The following RFX7 variants were observed in gnomAD, a reference collection of about 807,000 sequenced individuals.
RFX7 encodes the protein regulatory factor X7.
RFX7 carries 26 observed loss-of-function variants against 111.8 expected under a neutral mutation model. The ratio of observed to expected loss-of-function variants is 0.23; its 90% CI spans 0.17 to 0.32. The LOEUF is 0.32. Ranked by LOEUF, RFX7 falls within the 10% of genes least tolerant of loss-of-function variation. RFX7 has a pLI of 1.00. For synonymous variants in RFX7, 624 were observed against 624.4 expected (o/e 1.00, Z 0.01); for missense variants, 1,573 against 1,772.9 (o/e 0.89, Z 2.02).
chr15:56,179,749 T>C (rs979080745), intron 2 of RFX7, among the ~76,000 whole-genome samples: 14 of 139,174 alleles, frequency 1.0e-4, no homozygotes, highest in Non-Finnish European at 2.0e-4. Context: ...TGTTCCCTCC[T>C]CTCTCTGTCT....
chr15:56,186,267 T>G (rs151034778), intron 2 of RFX7, among the ~76,000 whole-genome samples: 162 of 152,290 alleles, frequency 1.1e-3, no homozygotes, highest in African/African-American at 3.7e-3. Context: ...TTCCAACTAC[T>G]TTGTGAGGGC....
intron 3 of RFX7, among the ~76,000 whole-genome samples, chr15:56,146,916 C>T (rs1567026748): frequency 6.6e-6 from 1 of 152,198 alleles, no homozygotes; most frequent in African/African-American, 2.4e-5. Flanking sequence ...AGGCTGGGCT[C>T]ATCATCAAGA....
intron 5 of RFX7, among the ~76,000 whole-genome samples, chr15:56,109,367 G>C (rs1158939304): frequency 6.6e-6 from 1 of 152,252 alleles, no homozygotes; most frequent in Non-Finnish European, 1.5e-5. Flanking sequence ...GCCCAGGCTG[G>C]AGTGCAGTGG....
intron 3 of RFX7, among the ~76,000 whole-genome samples, chr15:56,168,747 G>A (rs1259938471): frequency 6.6e-6 from 1 of 152,130 alleles, no homozygotes; most frequent in East Asian, 1.9e-4. Flanking sequence ...AATATAAGGA[G>A]GTGTCCTGAA....
At chr15:56,134,592 CTTTCTT>C (rs1290102595) in intron 5 of RFX7, among the ~76,000 whole-genome samples, 1 of 91,538 alleles carries the variant, frequency 1.1e-5, no homozygotes, top group African/African-American at 3.5e-5. Flanking sequence ...ATCTAAATCA[CTTTCTT>C]TTTTTTTTTT....
At chr15:56,197,890 T>C (rs2043160151) in intron 2 of RFX7, among the ~76,000 whole-genome samples, 1 of 152,144 alleles carries the variant, frequency 6.6e-6, no homozygotes, top group South Asian at 2.1e-4. Flanking sequence ...CTGACTCTGC[T>C]TTCTCTCCCC....
chr15:56,133,039 C>T (rs1342892277), intron 5 of RFX7, among the ~76,000 whole-genome samples: 1 of 152,026 alleles, frequency 6.6e-6, no homozygotes, highest in Non-Finnish European at 1.5e-5. Context: ...TGGTTATTTT[C>T]AGATAGTGAG....
chr15:56,102,704 G>A (rs930458585), intron 6 of RFX7, among the ~76,000 whole-genome samples: 36 of 152,082 alleles, frequency 2.4e-4, no homozygotes, highest in East Asian at 7.7e-4. Context: ...CAGGATTATC[G>A]CCTGTAACAT....
At chr15:56,102,009 C>CA (rs1450956791) in intron 7 of RFX7, among the ~76,000 whole-genome samples, 160 bp downstream of exon 7, 1 of 152,086 alleles carries the variant, frequency 6.6e-6, no homozygotes, top group Non-Finnish European at 1.5e-5. Flanking sequence ...TGACGTAGGT[C>CA]ATATACACTA....
intron 3 of RFX7, among the ~76,000 whole-genome samples, chr15:56,150,354 A>G (rs2042552083): frequency 6.6e-6 from 1 of 152,216 alleles, no homozygotes; most frequent in African/African-American, 2.4e-5. Context: ...ACCCCTGTGT[A>G]TACTGACTAG....
intron 2 of RFX7, among the ~76,000 whole-genome samples, chr15:56,227,638 T>C (rs1354678785): frequency 2.0e-5 from 3 of 152,204 alleles, no homozygotes; most frequent in African/African-American, 7.2e-5. Context: ...CCTTAGAGTA[T>C]TCTCAATTCC....
chr15:56,222,993 G>A (rs1479442310), intron 2 of RFX7, among the ~76,000 whole-genome samples: 1 of 152,138 alleles, frequency 6.6e-6, no homozygotes, highest in African/African-American at 2.4e-5. Context: ...ATGCTTTGTA[G>A]AATTGATCTA....
chr15:56,162,365 T>C (rs10444835), intron 3 of RFX7, among the ~76,000 whole-genome samples: 10,267 of 152,118 alleles, frequency 0.067, 454 homozygotes, highest in Admixed American at 0.11. Context: ...AGTGCAAAGA[T>C]AGAAAAATTA....
chr15:56,117,268 T>C (rs2042020441), intron 5 of RFX7, among the ~76,000 whole-genome samples: 1 of 152,140 alleles, frequency 6.6e-6, no homozygotes, highest in Admixed American at 6.5e-5. Flanking sequence ...AGATTTAAAC[T>C]GGGCCTTAGA....
At chr15:56,145,580 T>C (rs1429183017) in intron 3 of RFX7, among the ~76,000 whole-genome samples, 1 of 152,216 alleles carries the variant, frequency 6.6e-6, no homozygotes, top group South Asian at 2.1e-4. Context: ...TGTTATCAGC[T>C]ATACCCTTGT....
chr15:56,243,509 T>A lies in RFX7; in HGVS notation c.-67A>T. 2 of 984,300 alleles carry A rather than the reference T, an allele frequency of 2.0e-6. No homozygotes were observed. The highest frequency in any genetic ancestry group is 2.4e-6 in the Non-Finnish European group (2 of 829,614). 61.0% of individuals were successfully genotyped at this position (984,300 alleles called of 1,614,324 possible). On this transcript the variant is annotated 5_prime_UTR_variant, in exon 1 of 10. Transcript: ENST00000559447. ...GAACATCACCGGGGAGACCAGCGGC[T>A]CCTCACGGCCGGGGCGCTTCACCGC...
chr15:56,109,745 A>T (rs1203078549), intron 5 of RFX7, among the ~76,000 whole-genome samples: 3 of 136,184 alleles, frequency 2.2e-5, no homozygotes, highest in Admixed American at 1.4e-4. Context: ...GCCCCGTCTG[A>T]GAAGTGAGGA....
At chr15:56,113,913 G>A (rs2041971663) in intron 5 of RFX7, among the ~76,000 whole-genome samples, 1 of 152,144 alleles carries the variant, frequency 6.6e-6, no homozygotes, top group Non-Finnish European at 1.5e-5. Context: ...TGCCTTAAAA[G>A]TATTAATCAA....
intron 2 of RFX7, among the ~76,000 whole-genome samples, chr15:56,213,045 C>T (rs1419318604): frequency 2.0e-5 from 3 of 152,160 alleles, no homozygotes; most frequent in Non-Finnish European, 4.4e-5. Context: ...TATTGAAAAA[C>T]TGGATCACTC....
Sources: gnomAD v4.1 joint callset for allele counts (sites outside exome capture counted in the v4.1 genomes callset) on GRCh38, gnomAD v4.1.1 for gene constraint, MANE v1.5 for transcripts, NCBI Gene and HGNC (gene_info 2026-07-23, HGNC 2026-07-21) for gene names.